Variants in GRIK4 observed in about 807,000 individuals in gnomAD.
GRIK4 encodes the protein glutamate receptor ionotropic, kainate 4.
In GRIK4, 40 loss-of-function variants were observed where a neutral mutation model predicts 104.9. That is an observed-to-expected ratio of 0.38 (90% CI 0.30 to 0.50). The LOEUF (loss-of-function observed/expected upper bound fraction) is 0.50, where lower values mean the gene tolerates loss of function less well. Ranked by LOEUF, GRIK4 falls within the 20% of genes least tolerant of loss-of-function variation. GRIK4 has a pLI of 0.93. For synonymous variants in GRIK4, 485 were observed against 524.9 expected, an observed-to-expected ratio of 0.92 and a Z score of 1.04; for missense variants, 1,047 against 1,308.1, an observed-to-expected ratio of 0.80 and a Z score of 3.08.
intron 13 of GRIK4, among the ~76,000 whole-genome samples, chr11:120,915,330 CAGT>C (rs1943083779): frequency 6.6e-6 from 1 of 152,198 alleles, no homozygotes; most frequent in Non-Finnish European, 1.5e-5. Flanking sequence ...TCTTTTCTGT[CAGT>C]AGGAGTCCTT....
At chr11:120,955,234 AG>A (rs929553069) in intron 15 of GRIK4, among the ~76,000 whole-genome samples, 14 of 152,192 alleles carry the variant, frequency 9.2e-5, no homozygotes, top group African/African-American at 3.1e-4. Flanking sequence ...TAGGCTTGGG[AG>A]CCAACAAAGT....
At chr11:120,604,951 C>A (rs1272365495) in intron 1 of GRIK4, among the ~76,000 whole-genome samples, 5 of 152,204 alleles carry the variant, frequency 3.3e-5, no homozygotes, top group Non-Finnish European at 7.3e-5. Flanking sequence ...CAGCCTCTAC[C>A]TTTTGGCTTT....
intron 8 of GRIK4, among the ~76,000 whole-genome samples, chr11:120,853,512 T>A (rs1291960300): frequency 6.6e-6 from 1 of 152,186 alleles, no homozygotes; most frequent in African/African-American, 2.4e-5. Flanking sequence ...AAAGGAATTA[T>A]AATGTCCTCA....
chr11:120,905,936 G>C lies in GRIK4; in HGVS notation c.1476+443G>C, dbSNP rs1255720020. 1.3e-5 allele frequency among the ~76,000 whole-genome samples: 2 copies of C among 152,220 alleles called. No homozygotes were observed. The highest frequency in any genetic ancestry group is 1.5e-5 in the Non-Finnish European group (1 of 68,036). On this transcript the variant is annotated intron_variant, in intron 13 of 20. Coordinates refer to ENST00000527524, the MANE Select transcript of GRIK4 (RefSeq NM_014619.5). The surrounding 1 kb of genome is among the most constrained non-coding windows in gnomAD (Gnocchi z 5.1). The stretch of plus-strand genomic sequence containing the variant: ...AGACGTGGCTAAATAACAGGGCAAA[G>C]GGATTGACTGGCAGAGGAGTTGGTC...
chr11:120,614,619 G>C (rs1262307595), intron 1 of GRIK4, among the ~76,000 whole-genome samples: 1 of 152,206 alleles, frequency 6.6e-6, no homozygotes, highest in Non-Finnish European at 1.5e-5. Flanking sequence ...ACCCCACTCA[G>C]ATGTACATGC....
chr11:120,768,864 C>T (rs950951312), intron 3 of GRIK4, among the ~76,000 whole-genome samples: 1 of 152,160 alleles, frequency 6.6e-6, no homozygotes, highest in Non-Finnish European at 1.5e-5. Context: ...ATATGTTAAA[C>T]CAGCCTTGCA....
At chr11:120,666,277 C>G (rs1745075567) in intron 3 of GRIK4, among the ~76,000 whole-genome samples, 1 of 152,208 alleles carries the variant, frequency 6.6e-6, no homozygotes, top group Admixed American at 6.5e-5. Flanking sequence ...CTTCCCCAAG[C>G]TTGCATAGAG....
chr11:120,609,542 T>G (rs1449638557), intron 1 of GRIK4, among the ~76,000 whole-genome samples: 1 of 79,486 alleles, frequency 1.3e-5, no homozygotes, highest in Admixed American at 1.8e-4. Context: ...TTTTTTTTTT[T>G]TTGAGACAGA....
chr11:120,567,978 A>G (rs1043705451), intron 1 of GRIK4, among the ~76,000 whole-genome samples: 2 of 152,176 alleles, frequency 1.3e-5, no homozygotes, highest in African/African-American at 4.8e-5. Context: ...CTAAGAGTTC[A>G]AGACCTGCCT....
intron 3 of GRIK4, among the ~76,000 whole-genome samples, chr11:120,740,066 G>A (rs2135406336): frequency 6.6e-6 from 1 of 152,322 alleles, no homozygotes; most frequent in Non-Finnish European, 1.5e-5. Context: ...GAACAGCTTG[G>A]GATGTGGACT....
chr11:120,854,527 G>A (rs749877755), intron 8 of GRIK4, among the ~76,000 whole-genome samples: 13 of 152,200 alleles, frequency 8.5e-5, no homozygotes, highest in Non-Finnish European at 1.3e-4. Context: ...GGACTACCTG[G>A]GGCTGAGGGC....
At chr11:120,778,002 G>T (rs1388713444) in intron 3 of GRIK4, among the ~76,000 whole-genome samples, 3 of 152,034 alleles carry the variant, frequency 2.0e-5, no homozygotes, top group African/African-American at 7.2e-5. Context: ...AGGTGGGGGT[G>T]CTGTTTCCTA....
At chr11:120,641,113 G>A (rs963788460) in intron 1 of GRIK4, among the ~76,000 whole-genome samples, 1 of 152,250 alleles carries the variant, frequency 6.6e-6, no homozygotes, top group Non-Finnish European at 1.5e-5. Flanking sequence ...ATCTGCAGGA[G>A]AGCTGTTCTA....
intron 8 of GRIK4, among the ~76,000 whole-genome samples, chr11:120,839,501 A>G (rs28737445): frequency 0.12 from 17,654 of 152,296 alleles, 1,213 homozygotes; most frequent in Middle Eastern, 0.22. Context: ...TGGACTCACA[A>G]TACGAGTTTA....
intron 13 of GRIK4, among the ~76,000 whole-genome samples, chr11:120,928,992 C>CGT (rs1565445092): frequency 3.2e-4 from 47 of 147,696 alleles, no homozygotes; most frequent in Admixed American, 1.3e-3. Flanking sequence ...TGTGTGTGCG[C>CGT]GCGTGCACGC....
intron 3 of GRIK4, among the ~76,000 whole-genome samples, chr11:120,677,998 G>T (rs1006978664): frequency 7.2e-5 from 11 of 152,340 alleles, no homozygotes; most frequent in African/African-American, 2.6e-4. Flanking sequence ...GGTCACCCAT[G>T]CAGAACATGG....
At chr11:120,941,409 A>T (rs993230115) in intron 14 of GRIK4, among the ~76,000 whole-genome samples, 1 of 152,234 alleles carries the variant, frequency 6.6e-6, no homozygotes, top group Non-Finnish European at 1.5e-5. Context: ...AGCTCTAGAG[A>T]AAAGGAGATC....
intron 1 of GRIK4, among the ~76,000 whole-genome samples, chr11:120,640,964 G>A (rs1949463858): frequency 6.6e-6 from 1 of 152,186 alleles, no homozygotes; most frequent in South Asian, 2.1e-4. Context: ...TGCCCACCTT[G>A]GCCTCCCAAA....
intron 1 of GRIK4, 89 bp from the exon 2 acceptor site, chr11:120,653,596 T>TACCTA (rs1949652020): frequency 6.6e-6 from 1 of 152,260 alleles, no homozygotes; most frequent in Non-Finnish European, 1.5e-5. Flanking sequence ...TCCTCTTCAG[T>TACCTA]GACACCAAAT....
Sources: allele counts gnomAD v4.1 joint callset (sites outside exome capture counted in the v4.1 genomes callset), GRCh38; gene constraint gnomAD v4.1.1; non-coding constraint Gnocchi (gnomAD v3.1); transcripts MANE v1.5; gene names NCBI Gene and HGNC (gene_info 2026-07-23, HGNC 2026-07-21).